FCHSD2: variants seen among roughly 807,000 people sequenced by gnomAD.
FCHSD2 encodes the protein F-BAR and double SH3 domains protein 2.
A neutral mutation model predicts 108.1 loss-of-function variants in FCHSD2; 38 were observed. The ratio of observed to expected loss-of-function variants is 0.35; its 90% CI spans 0.27 to 0.46. The LOEUF is 0.46. Ranked by LOEUF, FCHSD2 falls within the 20% of genes least tolerant of loss-of-function variation. The probability of loss-of-function intolerance (pLI) is 1.00; values close to 1 mark genes in which losing one functional copy is unlikely to be tolerated. For synonymous variants in FCHSD2, 279 were observed against 314.7 expected (o/e 0.89, Z 1.20); for missense variants, 751 against 897.8 (o/e 0.84, Z 2.09).
At chr11:73,010,709 G>A (rs545899648) in intron 4 of FCHSD2, among the ~76,000 whole-genome samples, 1 of 152,302 alleles carries the variant, frequency 6.6e-6, no homozygotes, top group East Asian at 1.9e-4. Context: ...TTATTAGTGG[G>A]GCCTGTGGTA....
At chr11:72,878,802 C>CT (rs1565302041) in intron 12 of FCHSD2, among the ~76,000 whole-genome samples, 1 of 152,100 alleles carries the variant, frequency 6.6e-6, no homozygotes, top group Non-Finnish European at 1.5e-5. Flanking sequence ...ATTCCTAGAG[C>CT]TTGTACAGGG....
intron 13 of FCHSD2, among the ~76,000 whole-genome samples, chr11:72,854,749 T>G (rs573598395): frequency 6.6e-6 from 1 of 152,216 alleles, no homozygotes; most frequent in Admixed American, 6.5e-5. Context: ...GTCAAATTCA[T>G]AGAGACAGAA....
At chr11:73,076,365 A>G (rs1195500209) in intron 3 of FCHSD2, among the ~76,000 whole-genome samples, 1 of 152,240 alleles carries the variant, frequency 6.6e-6, no homozygotes, top group Admixed American at 6.5e-5. Context: ...CACCAATAAA[A>G]AGGAATAAAT....
chr11:73,051,915 ACCC>A (rs796798306), intron 3 of FCHSD2, among the ~76,000 whole-genome samples: 2 of 117,538 alleles, frequency 1.7e-5, no homozygotes, highest in African/African-American at 6.8e-5. Context: ...ACACACACAC[ACCC>A]CACACACACT....
At chr11:72,897,891 G>T (rs545390126) in intron 10 of FCHSD2, among the ~76,000 whole-genome samples, 2 of 152,272 alleles carry the variant, frequency 1.3e-5, no homozygotes, top group Admixed American at 1.3e-4. Context: ...CAAAAAAGAT[G>T]TATTTTACTT....
At chr11:72,871,714 T>C (rs1440633583) in intron 12 of FCHSD2, among the ~76,000 whole-genome samples, 3 of 151,656 alleles carry the variant, frequency 2.0e-5, no homozygotes, top group Admixed American at 6.6e-5. Flanking sequence ...TGTGAATAGA[T>C]AGCCACTGCA....
chr11:73,051,883 ACACAC>A (rs1858907559), intron 3 of FCHSD2, among the ~76,000 whole-genome samples: 1 of 143,684 alleles, frequency 7.0e-6, no homozygotes, highest in African/African-American at 2.8e-5. Context: ...ACACACACAC[ACACAC>A]ACACACACAC....
At chr11:73,117,425 T>G (rs1565098545) in intron 2 of FCHSD2, among the ~76,000 whole-genome samples, 1 of 152,172 alleles carries the variant, frequency 6.6e-6, no homozygotes, top group Non-Finnish European at 1.5e-5. Context: ...ATATTTTGGG[T>G]TTTTTCCTAA....
At chr11:73,009,665 A>AT (rs1857819141) in intron 4 of FCHSD2, among the ~76,000 whole-genome samples, 2 of 152,010 alleles carry the variant, frequency 1.3e-5, no homozygotes, top group African/African-American at 4.8e-5. Context: ...ATTTTGCTGA[A>AT]TACAGTACCC....
At chr11:72,966,302 G>C (rs747933553) in intron 8 of FCHSD2, among the ~76,000 whole-genome samples, 1 of 151,868 alleles carries the variant, frequency 6.6e-6, no homozygotes, top group African/African-American at 2.4e-5. Context: ...TGGGATTACA[G>C]GTGCCCGCCA....
At chr11:73,030,299 T>C (rs1327690554) in intron 3 of FCHSD2, among the ~76,000 whole-genome samples, 1 of 152,118 alleles carries the variant, frequency 6.6e-6, no homozygotes, top group Non-Finnish European at 1.5e-5. Context: ...TCTAGAAGTA[T>C]GTATAAGAGA....
intron 2 of FCHSD2, among the ~76,000 whole-genome samples, chr11:73,116,609 T>C (rs1208963243): frequency 6.6e-6 from 1 of 152,168 alleles, no homozygotes; most frequent in African/African-American, 2.4e-5. Flanking sequence ...TGTGTGGTCA[T>C]AACTCACTAA....
At chr11:72,928,124 G>T (rs1591405992) in intron 8 of FCHSD2, among the ~76,000 whole-genome samples, 1 of 151,560 alleles carries the variant, frequency 6.6e-6, no homozygotes, top group East Asian at 1.9e-4. Context: ...ATTGATAATG[G>T]TTAAAGCTGG....
At chr11:73,025,020 G>C (rs1022200174) in intron 3 of FCHSD2, among the ~76,000 whole-genome samples, 1 of 152,178 alleles carries the variant, frequency 6.6e-6, no homozygotes, top group Non-Finnish European at 1.5e-5. Flanking sequence ...TGGAGAAAAA[G>C]AACGCTTATA....
intron 8 of FCHSD2, 164 bp downstream of exon 8, chr11:72,983,924 T>A (rs902742869): frequency 2.8e-6 from 2 of 709,618 alleles, no homozygotes; most frequent in African/African-American, 3.5e-5. Flanking sequence ...AATTCCAAAT[T>A]ATCTGAAACA....
intron 8 of FCHSD2, among the ~76,000 whole-genome samples, chr11:72,982,758 C>T (rs1054176939): frequency 3.3e-5 from 5 of 152,194 alleles, no homozygotes; most frequent in South Asian, 4.1e-4. Flanking sequence ...TGAACATACT[C>T]TTTTGTTTGT....
chr11:72,865,818 A>T (rs1264679039), intron 13 of FCHSD2, among the ~76,000 whole-genome samples: 1 of 152,180 alleles, frequency 6.6e-6, no homozygotes, highest in Non-Finnish European at 1.5e-5. Context: ...ACTTTTTCCA[A>T]GGTGTGCAGA....
chr11:73,022,688 G>T (rs1423426472), intron 3 of FCHSD2, among the ~76,000 whole-genome samples: 1 of 152,002 alleles, frequency 6.6e-6, no homozygotes, highest in African/African-American at 2.4e-5. Context: ...TACATTCAAG[G>T]CAATCTCAAT....
chr11:73,128,810 T>A (rs1860919991), intron 2 of FCHSD2, among the ~76,000 whole-genome samples: 2 of 152,236 alleles, frequency 1.3e-5, no homozygotes, highest in South Asian at 4.1e-4. Context: ...TCTTTGAGAT[T>A]AATTTCACGT....
Sources: allele counts gnomAD v4.1 joint callset (sites outside exome capture counted in the v4.1 genomes callset), GRCh38; gene constraint gnomAD v4.1.1; transcripts MANE v1.5; gene names NCBI Gene and HGNC (gene_info 2026-07-23, HGNC 2026-07-21).